The following ISOC2 variants were observed in gnomAD, a reference collection of about 807,000 sequenced individuals.
The protein encoded by ISOC2 is isochorismatase domain-containing protein 2.
Under a neutral mutation model 19.3 loss-of-function variants are expected in ISOC2, and 15 were observed. The observed-to-expected ratio is 0.78, with a 90% CI of 0.52 to 1.20. The LOEUF is 1.20. Among genes scored for constraint, ISOC2 ranks in the 50% most tolerant of loss-of-function variants. ISOC2 has a pLI of 0.00. For missense variants in ISOC2, 285 were observed against 272.4 expected (o/e 1.05, Z -0.33); for synonymous variants, 106 against 115.8 (o/e 0.92, Z 0.54).
Position 55,453,173 on chromosome 19 carries a change from C to A in ISOC2, c.*135G>T, listed in dbSNP as rs772568489. 5.6e-6 allele frequency: 3 copies of A among 540,522 alleles called. No homozygotes were observed. The highest frequency in any genetic ancestry group is 9.6e-6 in the Non-Finnish European group (3 of 312,714). 33.5% of individuals were successfully genotyped at this position (540,522 alleles called of 1,614,324 possible). On this transcript the variant is annotated 3_prime_UTR_variant, in exon 6 of 6. Transcript: ENST00000425675. ...GAGCAGCTGTCCAATGGGAAGGCAG[C>A]ACCCTGCCCCCCCCACAAGGGGGCG... is the stretch of plus-strand genomic sequence containing the variant.
intron 2 of ISOC2, 58 bp from the exon 3 acceptor site, chr19:55,455,903 ACTCCTGGGTCTGAGGGAGGAGGG>A (rs1986041015): frequency 9.3e-6 from 13 of 1,394,816 alleles, no homozygotes; most frequent in Admixed American, 4.4e-5. Flanking sequence ...CTGGGCCTGG[ACTCCTGGGTCTGAGGGAGGAGGG>A]GCTGGGCCTG....
At chr19:55,458,671 G>A (rs892088637) in intron 1 of ISOC2, among the ~76,000 whole-genome samples, 2 of 151,928 alleles carry the variant, frequency 1.3e-5, no homozygotes, top group African/African-American at 2.4e-5. Context: ...GGGATTACAG[G>A]CTTGTGCCAC....
chr19:55,459,781 A>T (rs773132807), intron 1 of ISOC2: 1 of 151,342 alleles, frequency 6.6e-6, no homozygotes, highest in Non-Finnish European at 1.5e-5. Flanking sequence ...CCGGGCCCCA[A>T]GGGATGGTTC....
intron 1 of ISOC2, among the ~76,000 whole-genome samples, chr19:55,458,235 C>G (rs973745206): frequency 5.9e-5 from 9 of 152,148 alleles, no homozygotes; most frequent in African/African-American, 2.2e-4. Context: ...GTCAGAGCGT[C>G]TACGCTGTCA....
At chr19:55,455,611 C>A (rs1185688054) in intron 3 of ISOC2, 25 bp downstream of exon 3, 5 of 1,548,470 alleles carry the variant, frequency 3.2e-6, no homozygotes, top group Middle Eastern at 1.7e-4. Context: ...GAACGAGGGA[C>A]CCCTGGGGTC....
At chr19:55,460,513 C>T (rs1178804850) in intron 1 of ISOC2, among the ~76,000 whole-genome samples, 1 of 152,126 alleles carries the variant, frequency 6.6e-6, no homozygotes, top group Non-Finnish European at 1.5e-5. Flanking sequence ...ATACTATATA[C>T]AATAAAGGGT....
At chr19:55,459,619 C>CG (rs1986172987) in intron 1 of ISOC2, 1 of 152,150 alleles carries the variant, frequency 6.6e-6, no homozygotes, top group African/African-American at 2.4e-5. Flanking sequence ...CTTTCCCCCC[C>CG]GCCCCGCACT....
rs1322587369 is a variant in ISOC2, at chr19:55,453,389, C to G, written c.538-1G>C. The G allele has an allele frequency of 6.3e-7, 1 of 1,599,728 alleles. No homozygotes were observed. Among genetic ancestry groups the G allele is most frequent in the Non-Finnish European group, 8.5e-7 (1 of 1,173,792 alleles). Reference sequence around the variant, plus strand: ...CGGGCTCCTTGATGAGTTTCTGGATCTGTAAGGGCAGGGGGCGATGGGTCA... The same window carrying G: ...CGGGCTCCTTGATGAGTTTCTGGATGTGTAAGGGCAGGGGGCGATGGGTCA... On this transcript the variant is annotated splice_acceptor_variant, in intron 5 of 5. Coordinates refer to ENST00000425675, the MANE Select transcript of ISOC2 (RefSeq NM_001136201.2). LOFTEE classifies it high-confidence loss of function.
intron 1 of ISOC2, 107 bp downstream of exon 1, chr19:55,461,405 T>C (rs1349758339): frequency 6.6e-6 from 1 of 152,304 alleles, no homozygotes; most frequent in Non-Finnish European, 1.5e-5. Flanking sequence ...GTCCTCCTTC[T>C]GGTCCTGTGA....
At chr19:55,454,677 A>G in intron 5 of ISOC2, 1 of 387,278 alleles carries the variant, frequency 2.6e-6, no homozygotes, top group South Asian at 3.0e-5. Flanking sequence ...CCGCCTGGTC[A>G]CTCCCTCCTT....
intron 1 of ISOC2, among the ~76,000 whole-genome samples, chr19:55,458,250 G>A (rs765867742): frequency 1.3e-5 from 2 of 152,114 alleles, no homozygotes; most frequent in Non-Finnish European, 2.9e-5. Context: ...CTGTCAGAGC[G>A]TCTACACCGC....
At chr19:55,460,987 C>A (rs1986216958) in intron 1 of ISOC2, among the ~76,000 whole-genome samples, 1 of 151,888 alleles carries the variant, frequency 6.6e-6, no homozygotes, top group Non-Finnish European at 1.5e-5. Context: ...GGGAGGGGAA[C>A]TGGTTTTTGG....
Position 55,455,865 on chromosome 19 carries a change from G to A in ISOC2, c.139-20C>T, listed in dbSNP as rs745467300. 4 of 1,422,320 alleles carry A rather than the reference G, an allele frequency of 2.8e-6. No individual in the cohort carries two copies. The highest frequency in any genetic ancestry group is 4.7e-5 in the Admixed American group (2 of 42,870). 88.1% of individuals were successfully genotyped at this position (1,422,320 alleles called of 1,614,324 possible). Reference sequence around the variant, plus strand: ...GGCCACCTGTGCCAGTGATGGGGAAGAAAGGTCAGGGTCTGAGGGAGGAGG... The same window carrying A: ...GGCCACCTGTGCCAGTGATGGGGAAAAAAGGTCAGGGTCTGAGGGAGGAGG... On this transcript the variant is annotated intron_variant, in intron 2 of 5. Transcript: ENST00000425675.
rs1378732730 is a variant in ISOC2, at chr19:55,453,279, G to A, written c.*29C>T. 6.5e-7 allele frequency: 1 copy of A among 1,549,194 alleles called. No homozygotes were observed. The highest frequency in any genetic ancestry group is 8.8e-7 in the Non-Finnish European group (1 of 1,133,308). On this transcript the variant is annotated 3_prime_UTR_variant, in exon 6 of 6. Coordinates refer to ENST00000425675, the MANE Select transcript of ISOC2 (RefSeq NM_001136201.2). ...CCACTGAGGTCCGGGTGACAGGAGG[G>A]TGGTCTTCCCTCAAGGCAGGGTTGG...
intron 2 of ISOC2, chr19:55,456,053 G>A (rs370907197): frequency 2.9e-4 from 172 of 595,238 alleles, no homozygotes; most frequent in Middle Eastern, 1.3e-3. Flanking sequence ...GGACTCCTGC[G>A]TCTGAGGGAA....
intron 1 of ISOC2, among the ~76,000 whole-genome samples, chr19:55,461,092 A>C (rs574473217): frequency 6.7e-6 from 1 of 149,644 alleles, no homozygotes; most frequent in African/African-American, 2.5e-5. Flanking sequence ...CTGCGGAACG[A>C]GGAGAGATTC....
chr19:55,456,936 C>CCCCGGTTACTATCAGAT (rs1386587788), intron 1 of ISOC2, among the ~76,000 whole-genome samples: 5 of 152,196 alleles, frequency 3.3e-5, no homozygotes, highest in African/African-American at 1.2e-4. Flanking sequence ...TCACCATCAG[C>CCCCGGTTACTATCAGAT]CCCGGTTACT....
chr19:55,454,868 C>G, intron 5 of ISOC2, 121 bp downstream of exon 5: 1 of 754,758 alleles, frequency 1.3e-6, no homozygotes, highest in Admixed American at 1.9e-5. Flanking sequence ...GCAGCCTCCC[C>G]TCCAAGAACC....
chr19:55,456,629 G>T, intron 1 of ISOC2, 140 bp from the exon 2 acceptor site: 1 of 1,091,886 alleles, frequency 9.2e-7, no homozygotes, highest in Non-Finnish European at 1.3e-6. Flanking sequence ...AGGTCTCTGT[G>T]TCTGCTGTTC....
Sources: gnomAD v4.1 joint callset for allele counts (sites outside exome capture counted in the v4.1 genomes callset) on GRCh38, gnomAD v4.1.1 for gene constraint, MANE v1.5 for transcripts, NCBI Gene and HGNC (gene_info 2026-07-23, HGNC 2026-07-21) for gene names.